Variants in SYNJ1 observed in about 807,000 individuals in gnomAD.
SYNJ1 encodes the protein synaptojanin 1.
In SYNJ1, 78 loss-of-function variants were observed where a neutral mutation model predicts 168.2. That is an observed-to-expected ratio of 0.46 (90% CI 0.39 to 0.56). The LOEUF is 0.56. Among genes scored for constraint, SYNJ1 ranks in the 20% least tolerant of loss-of-function variants. The pLI is 0.00. For synonymous variants in SYNJ1, 539 were observed against 548.6 expected (o/e 0.98, Z 0.24); for missense variants, 1,303 against 1,597.6 (o/e 0.82, Z 3.14).
chr21:32,722,102 T>C lies in SYNJ1; in HGVS notation c.124+4670A>G, dbSNP rs571070933. ...TGGGAGGCTGATGCGGGAAAATCACTTGAACTTGGGAAGGGGAGGTTGCAG... is the reference window on the plus strand; with the variant it reads ...TGGGAGGCTGATGCGGGAAAATCACCTGAACTTGGGAAGGGGAGGTTGCAG... On this transcript the variant is annotated intron_variant, in intron 2 of 32. Transcript: ENST00000674351. 6.6e-5 allele frequency among the ~76,000 whole-genome samples: 10 copies of C among 151,192 alleles called. No individual in the cohort carries two copies. In the South Asian group the frequency reaches 1.9e-3, roughly 28 times the overall value.
At chr21:32,693,396 T>C (rs1185558043) in intron 6 of SYNJ1, among the ~76,000 whole-genome samples, 5 of 152,204 alleles carry the variant, frequency 3.3e-5, no homozygotes, top group African/African-American at 1.2e-4. Flanking sequence ...TGTTAATCCT[T>C]GTTAACTCTT....
At chr21:32,643,361 T>G in intron 27 of SYNJ1, 49 bp downstream of exon 27, 3 of 1,602,636 alleles carry the variant, frequency 1.9e-6, no homozygotes, top group Non-Finnish European at 1.7e-6. Flanking sequence ...GCGCTGACAC[T>G]GAGAAATAAA....
Position 32,662,604 on chromosome 21 carries a change from C to T in SYNJ1, c.2304+2309G>A, listed in dbSNP as rs557853345. On this transcript the variant is annotated intron_variant, in intron 18 of 32. Coordinates refer to ENST00000674351, the MANE Select transcript of SYNJ1 (RefSeq NM_203446.3). ...AACAGAAGAAAAAGGGGTGCCCAAA[C>T]GCATAATCTTGAAATTTGATGCCTG... is the stretch of plus-strand genomic sequence containing the variant. Among the ~76,000 whole-genome samples the T allele has an allele frequency of 3.4e-3, 519 of 152,150 alleles. 5 individuals are homozygous for T. Among genetic ancestry groups the T allele is most frequent in the Non-Finnish European group, 5.3e-3 (361 of 68,004 alleles).
At chr21:32,650,034 G>A (rs1487030237) in intron 23 of SYNJ1, 150 bp downstream of exon 23, 2 of 895,376 alleles carry the variant, frequency 2.2e-6, no homozygotes, top group Non-Finnish European at 1.6e-6. Flanking sequence ...GCAGGCATGA[G>A]CTGCCGCACC....
At chr21:32,708,508 A>T (rs1198045066) in intron 2 of SYNJ1, among the ~76,000 whole-genome samples, 1 of 152,214 alleles carries the variant, frequency 6.6e-6, no homozygotes, top group Non-Finnish European at 1.5e-5. Context: ...ATGTCCCAGA[A>T]GAGAATTGCT....
At chr21:32,651,594 TC>T (rs1569043994) in intron 22 of SYNJ1, among the ~76,000 whole-genome samples, 1 of 152,192 alleles carries the variant, frequency 6.6e-6, no homozygotes, top group Non-Finnish European at 1.5e-5. Flanking sequence ...TTTATATTCA[TC>T]AAAAAATACT....
chr21:32,640,903 A>G (rs1413430320), intron 29 of SYNJ1, among the ~76,000 whole-genome samples: 2 of 152,232 alleles, frequency 1.3e-5, no homozygotes, highest in Admixed American at 6.5e-5. Context: ...TTAAACTCAC[A>G]AAAATCCTGA....
chr21:32,686,730 C>T (rs796331220), intron 8 of SYNJ1, among the ~76,000 whole-genome samples: 6 of 152,132 alleles, frequency 3.9e-5, no homozygotes, highest in Non-Finnish European at 5.9e-5. Context: ...TGTTTCTCTA[C>T]AAAATAAAAA....
intron 4 of SYNJ1, among the ~76,000 whole-genome samples, chr21:32,696,256 G>A (rs1044304718): frequency 6.6e-6 from 1 of 152,174 alleles, no homozygotes; most frequent in Non-Finnish European, 1.5e-5. Context: ...GATAGTGCAG[G>A]CATAGGGTTT....
In SYNJ1 at chr21:32,687,069, A is replaced by G; in HGVS notation, c.857T>C (p.Phe286Ser). ...EANAPAFDRH[F>S]RTLKNLYGKQ... ...ACCATATAAGTTCTTAAGTGTTCTA[A>G]AATGCCTATTTAAGAAAGAAAGGAA... Residue 286 changes from phenylalanine to serine, a missense_variant, in exon 8 of 33, where the codon TTT becomes TCT. This residue lies in a region of SYNJ1 where 920 missense variants were observed against 1,208.8 expected (regional missense o/e 0.76). Coordinates refer to ENST00000674351, the MANE Select transcript of SYNJ1 (RefSeq NM_203446.3). 6.8e-7 allele frequency: 1 copy of G among 1,476,764 alleles called. No individual in the cohort carries two copies. The highest frequency in any genetic ancestry group is 9.1e-7 in the Non-Finnish European group (1 of 1,103,692). 91.5% of individuals were successfully genotyped at this position (1,476,764 alleles called of 1,614,324 possible). A position where few individuals can be genotyped will look rare whatever the true frequency, so the allele number is the denominator to read the frequency against.
chr21:32,688,967 C>T (rs1381963890), intron 6 of SYNJ1, among the ~76,000 whole-genome samples: 3 of 152,206 alleles, frequency 2.0e-5, no homozygotes, highest in Non-Finnish European at 1.5e-5. Context: ...TCCAAGTCAA[C>T]CTTGCCATCA....
At chr21:32,667,549 T>C (rs1195600740) in intron 15 of SYNJ1, among the ~76,000 whole-genome samples, 1 of 152,152 alleles carries the variant, frequency 6.6e-6, no homozygotes, top group Non-Finnish European at 1.5e-5. Context: ...GTCTACATAT[T>C]GCATTTGCTT....
At chr21:32,690,223 A>G (rs1216269730) in intron 6 of SYNJ1, among the ~76,000 whole-genome samples, 3 of 152,130 alleles carry the variant, frequency 2.0e-5, no homozygotes, top group African/African-American at 7.2e-5. Context: ...TTTTTGTGTT[A>G]TTAGAGACAG....
chr21:32,658,402 C>G (rs1268327016), intron 18 of SYNJ1: 1 of 152,408 alleles, frequency 6.6e-6, no homozygotes, highest in Non-Finnish European at 1.5e-5. Context: ...TCTTATTGCT[C>G]TGTCCCCTTT....
chr21:32,692,410 C>G (rs2042058846), intron 6 of SYNJ1, among the ~76,000 whole-genome samples: 2 of 152,022 alleles, frequency 1.3e-5, no homozygotes, highest in African/African-American at 2.4e-5. Context: ...AACCCCATTT[C>G]TACTAAAAAT....
chr21:32,658,807 G>A (rs533777950), intron 18 of SYNJ1, among the ~76,000 whole-genome samples: 29 of 152,176 alleles, frequency 1.9e-4, no homozygotes, highest in Non-Finnish European at 3.8e-4. Context: ...AGTTCGCCCC[G>A]CCAGTGCCCA....
At chr21:32,644,424 A>G (rs545069016) in intron 26 of SYNJ1, among the ~76,000 whole-genome samples, 1 of 152,346 alleles carries the variant, frequency 6.6e-6, no homozygotes, top group Admixed American at 6.5e-5. Context: ...CTGGATTTGT[A>G]AAAGTTCTTC....
At chr21:32,702,311 C>T (rs905461807) in intron 2 of SYNJ1, among the ~76,000 whole-genome samples, 7 of 152,026 alleles carry the variant, frequency 4.6e-5, no homozygotes, top group African/African-American at 1.4e-4. Flanking sequence ...GAATAGTGCT[C>T]GACACTTAGA....
chr21:32,695,569 G>T (rs748232544), intron 4 of SYNJ1, among the ~76,000 whole-genome samples: 4 of 151,712 alleles, frequency 2.6e-5, no homozygotes, highest in Non-Finnish European at 5.9e-5. Context: ...AACCTAACTT[G>T]TTCCAAAAAG....
Sources: gnomAD v4.1 joint callset for allele counts (sites outside exome capture counted in the v4.1 genomes callset) on GRCh38, gnomAD v4.1.1 for gene constraint, gnomAD v4.1.1 regional missense constraint, MANE v1.5 for transcripts, NCBI Gene and HGNC (gene_info 2026-07-23, HGNC 2026-07-21) for gene names.